Variants in CCBE1 observed in about 807,000 individuals in gnomAD.
CCBE1 encodes collagen and calcium-binding EGF domain-containing protein 1.
Under a neutral mutation model 50.0 loss-of-function variants are expected in CCBE1, and 37 were observed. The ratio of observed to expected loss-of-function variants is 0.74; its 90% CI spans 0.57 to 0.97. The LOEUF (loss-of-function observed/expected upper bound fraction) is 0.97, where lower values mean the gene tolerates loss of function less well. Ranked by LOEUF, CCBE1 falls within the 50% of genes least tolerant of loss-of-function variation. CCBE1 has a pLI of 0.00. For missense variants in CCBE1, 538 were observed against 523.8 expected (o/e 1.03, Z -0.26); for synonymous variants, 234 against 203.7 (o/e 1.15, Z -1.27).
At chr18:59,626,380 GA>G (rs1193935204) in intron 2 of CCBE1, among the ~76,000 whole-genome samples, 1 of 152,158 alleles carries the variant, frequency 6.6e-6, no homozygotes, top group African/African-American at 2.4e-5. Flanking sequence ...GATAAATGTG[GA>G]AAAGGCAGCT....
In CCBE1 at chr18:59,435,478, T is replaced by C. The variant is rs566748160; in HGVS notation, c.*430A>G. ...CCCAATTTTGATACTAGAGGAGTTA[T>C]GGTCTATTGTGAACACACATCTTAG... On this transcript the variant is annotated 3_prime_UTR_variant, in exon 11 of 11. Transcript: ENST00000439986. 3 of 206,776 alleles carry C rather than the reference T, an allele frequency of 1.5e-5. No homozygotes were observed. The highest frequency in any genetic ancestry group is 1.2e-4 in the East Asian group (1 of 8,444). 12.8% of individuals were successfully genotyped at this position (206,776 alleles called of 1,614,324 possible).
At chr18:59,617,037 G>T (rs1265516062) in intron 2 of CCBE1, among the ~76,000 whole-genome samples, 1 of 152,182 alleles carries the variant, frequency 6.6e-6, no homozygotes, top group Admixed American at 6.5e-5. Context: ...AAACCAATTA[G>T]ATAAGGGACT....
At chr18:59,658,903 A>G (rs930527838) in intron 2 of CCBE1, among the ~76,000 whole-genome samples, 1 of 151,494 alleles carries the variant, frequency 6.6e-6, no homozygotes, top group Non-Finnish European at 1.5e-5. Flanking sequence ...AAAAAAAAAA[A>G]AAACTGTTAC....
At chr18:59,677,921 A>G (rs2054528895) in intron 2 of CCBE1, among the ~76,000 whole-genome samples, 1 of 152,240 alleles carries the variant, frequency 6.6e-6, no homozygotes, top group Non-Finnish European at 1.5e-5. Context: ...GGTAAGATAC[A>G]GTAAAAGAAA....
At chr18:59,463,327 A>T (rs1568152727) in intron 5 of CCBE1, among the ~76,000 whole-genome samples, 1 of 152,180 alleles carries the variant, frequency 6.6e-6, no homozygotes, top group Non-Finnish European at 1.5e-5. Flanking sequence ...TCCTGGGTTC[A>T]AGTGATCCTC....
intron 2 of CCBE1, among the ~76,000 whole-genome samples, chr18:59,634,740 A>G (rs2053894836): frequency 6.6e-6 from 1 of 152,258 alleles, no homozygotes; most frequent in Non-Finnish European, 1.5e-5. Flanking sequence ...TTAAATGACC[A>G]GGGAGATTTG....
chr18:59,479,221 CAAAT>C (rs893816603), intron 3 of CCBE1, among the ~76,000 whole-genome samples: 15 of 152,148 alleles, frequency 9.9e-5, no homozygotes, highest in African/African-American at 3.6e-4. Context: ...GCCCTTCAAA[CAAAT>C]AGTCTTTACT....
At chr18:59,517,812 C>G (rs949115777) in intron 2 of CCBE1, among the ~76,000 whole-genome samples, 3 of 152,224 alleles carry the variant, frequency 2.0e-5, no homozygotes, top group African/African-American at 7.2e-5. Flanking sequence ...TACTGAAAGT[C>G]TCACTCCTTG....
At chr18:59,509,923 C>T (rs1914058107) in intron 2 of CCBE1, among the ~76,000 whole-genome samples, 2 of 152,092 alleles carry the variant, frequency 1.3e-5, no homozygotes, top group African/African-American at 4.8e-5. Flanking sequence ...AGGGGAAGGC[C>T]AGGGAGGGGA....
chr18:59,523,760 G>A (rs548728895), intron 2 of CCBE1, among the ~76,000 whole-genome samples: 1 of 152,218 alleles, frequency 6.6e-6, no homozygotes, highest in Non-Finnish European at 1.5e-5. Context: ...GCATTCTATG[G>A]TTCACAAAGG....
intron 3 of CCBE1, among the ~76,000 whole-genome samples, chr18:59,476,433 A>C (rs1252850353): frequency 3.9e-5 from 6 of 152,176 alleles, no homozygotes. Context: ...GCCAATCAAG[A>C]CATCACTTCT....
chr18:59,623,332 T>A (rs1262824439), intron 2 of CCBE1, among the ~76,000 whole-genome samples: 1 of 152,224 alleles, frequency 6.6e-6, no homozygotes, highest in Non-Finnish European at 1.5e-5. Context: ...CCTCCCTTAA[T>A]CAGTCAGGTC....
intron 2 of CCBE1, among the ~76,000 whole-genome samples, chr18:59,576,003 C>T (rs1362452295): frequency 6.6e-6 from 1 of 152,224 alleles, no homozygotes; most frequent in African/African-American, 2.4e-5. Context: ...TCTAGTTTTT[C>T]CTGTGTAAGA....
chr18:59,478,148 C>T (rs937742194), intron 3 of CCBE1, among the ~76,000 whole-genome samples: 3 of 152,132 alleles, frequency 2.0e-5, no homozygotes, highest in Non-Finnish European at 1.5e-5. Flanking sequence ...ACTGCAACTC[C>T]TCCCTGGATC....
At chr18:59,648,003 A>C (rs1401937065) in intron 2 of CCBE1, among the ~76,000 whole-genome samples, 3 of 152,244 alleles carry the variant, frequency 2.0e-5, no homozygotes, top group Non-Finnish European at 4.4e-5. Context: ...CCATATGTGA[A>C]CAAATCCTTA....
intron 2 of CCBE1, among the ~76,000 whole-genome samples, chr18:59,586,141 T>C (rs2053175213): frequency 1.3e-5 from 2 of 152,230 alleles, no homozygotes; most frequent in Admixed American, 1.3e-4. Flanking sequence ...TCAGCCTAAC[T>C]TTAATGCTCC....
rs568015113 is a variant in CCBE1 at position 59,597,504 on chromosome 18, C to T, written c.212+99125G>A. Among the ~76,000 whole-genome samples, 3 of 152,266 alleles carry T rather than the reference C, an allele frequency of 2.0e-5. No individual in the cohort carries two copies. In the South Asian group the frequency reaches 6.2e-4, roughly 32 times the overall value. On this transcript the variant is annotated intron_variant, in intron 2 of 10. Transcript: ENST00000439986. The stretch of plus-strand genomic sequence containing the variant: ...TCCTTCTTGCTTCCTCCGGTCCTCT[C>T]TGTATGACCCAAGGCTCATTGGGTT...
At chr18:59,588,599 A>T (rs1204818342) in intron 2 of CCBE1, among the ~76,000 whole-genome samples, 5 of 152,134 alleles carry the variant, frequency 3.3e-5, no homozygotes, top group African/African-American at 1.2e-4. Context: ...TTTCTACCAG[A>T]TAGCAAGAAG....
chr18:59,552,052 T>C lies in CCBE1; in HGVS notation c.213-71814A>G, dbSNP rs541126009. 1.3e-3 allele frequency among the ~76,000 whole-genome samples: 201 copies of C among 152,322 alleles called. 1 individual carries two copies. Among genetic ancestry groups the C allele is most frequent in the Non-Finnish European group, 2.3e-3 (154 of 68,024 alleles). ...TGGCCTGGGGATGGAGGGTATAAGA[T>C]GGCCTCAATTCACACAACTGGTACC... On this transcript the variant is annotated intron_variant, in intron 2 of 10. Transcript: ENST00000439986.
Sources: gnomAD v4.1 joint callset for allele counts (sites outside exome capture counted in the v4.1 genomes callset) on GRCh38, gnomAD v4.1.1 for gene constraint, MANE v1.5 for transcripts, NCBI Gene and HGNC (gene_info 2026-07-23, HGNC 2026-07-21) for gene names.